OVOL2: variants seen among roughly 807,000 people sequenced by gnomAD.
OVOL2 encodes ovo like zinc finger 2.
Under a neutral mutation model 18.1 loss-of-function variants are expected in OVOL2, and 13 were observed. The ratio of observed to expected loss-of-function variants is 0.72; its 90% CI spans 0.47 to 1.14. The LOEUF (loss-of-function observed/expected upper bound fraction) is 1.14, where lower values mean the gene tolerates loss of function less well. Among genes scored for constraint, OVOL2 ranks in the 50% most tolerant of loss-of-function variants. OVOL2 has a pLI of 0.00. For synonymous variants in OVOL2, 166 were observed against 162.7 expected (o/e 1.02, Z -0.16); for missense variants, 335 against 383.0 (o/e 0.87, Z 1.05).
chr20:18,031,016 G>T (rs1237417512), intron 3 of OVOL2, among the ~76,000 whole-genome samples: 1 of 152,168 alleles, frequency 6.6e-6, no homozygotes, highest in Non-Finnish European at 1.5e-5. Flanking sequence ...TGATGCCAAG[G>T]CCCCTCCCAC....
intron 2 of OVOL2, among the ~76,000 whole-genome samples, chr20:18,046,623 C>G (rs899623646): frequency 7.9e-5 from 12 of 152,168 alleles, no homozygotes; most frequent in Non-Finnish European, 1.5e-4. Flanking sequence ...ATCATTCTCT[C>G]CAGACGCCAG....
intron 3 of OVOL2, 121 bp downstream of exon 3, chr20:18,041,413 G>A (rs1204942324): frequency 3.3e-6 from 4 of 1,219,274 alleles, no homozygotes; most frequent in East Asian, 5.1e-5. Flanking sequence ...TCCGCATCTT[G>A]TGATCTTTCT....
In OVOL2 at chr20:18,032,306, GGA is replaced by G. The variant is rs900981884; in HGVS notation, c.512-7356_512-7355del. Among the ~76,000 whole-genome samples, 75 of 135,002 alleles carry G rather than the reference GGA, an allele frequency of 5.6e-4. 2 individuals are homozygous for G. Among genetic ancestry groups the G allele is most frequent in the South Asian group, 5.1e-3 (22 of 4,352 alleles). 88.6% of individuals were successfully genotyped at this position (135,002 alleles called of 152,430 possible). A position where few individuals can be genotyped will look rare whatever the true frequency, so the allele number is the denominator to read the frequency against. On this transcript the variant is annotated intron_variant, in intron 3 of 3. Coordinates refer to ENST00000278780, the MANE Select transcript of OVOL2 (RefSeq NM_021220.4). ...AAAGGAAAGGAAAGGAAGGAAGGAAGGAGAGAGAGAGAGAAAGAAAGAGAGAA... is the reference window on the plus strand; with the variant it reads ...AAAGGAAAGGAAAGGAAGGAAGGAAGGAGAGAGAGAGAAAGAAAGAGAGAA...
chr20:18,057,797 C>T lies in OVOL2; in HGVS notation c.-163G>A. Reference sequence around the variant, plus strand: ...GCCGCGGCGCGGCCCAGGCCTCTCCCCCGCACGCCTGGCGACTCCCAGCCT... The same window carrying T: ...GCCGCGGCGCGGCCCAGGCCTCTCCTCCGCACGCCTGGCGACTCCCAGCCT... On this transcript the variant is annotated 5_prime_UTR_variant, in exon 1 of 4. Coordinates refer to ENST00000278780, the MANE Select transcript of OVOL2 (RefSeq NM_021220.4). This position sits in a 1 kb window ranked among gnomAD's most constrained non-coding sequence, Gnocchi z 6.3. 4 of 1,375,394 alleles carry T rather than the reference C, an allele frequency of 2.9e-6. No individual in the cohort carries two copies. Among genetic ancestry groups the T allele is most frequent in the Non-Finnish European group, 3.7e-6 (4 of 1,071,770 alleles). The allele number at this position is 1,375,394 out of a possible 1,614,324, so 85.2% of individuals were successfully genotyped here.
Position 18,057,832 on chromosome 20 carries a change from G to A in OVOL2, c.-198C>T, listed in dbSNP as rs1600457047. ...TGGCGACTCCCAGCCTCCCGGCTCGGCGACACCTATGCCTTAAATCGCGAG... is the reference window on the plus strand; with the variant it reads ...TGGCGACTCCCAGCCTCCCGGCTCGACGACACCTATGCCTTAAATCGCGAG... On this transcript the variant is annotated 5_prime_UTR_variant, in exon 1 of 4. Transcript: ENST00000278780. This position sits in a 1 kb window ranked among gnomAD's most constrained non-coding sequence, Gnocchi z 6.3. 7.3e-7 allele frequency: 1 copy of A among 1,365,612 alleles called. No homozygotes were observed. The highest frequency in any genetic ancestry group is 3.1e-5 in the East Asian group (1 of 32,756). The allele number at this position is 1,365,612 out of a possible 1,614,324, so 84.6% of individuals were successfully genotyped here. A position where few individuals can be genotyped will look rare whatever the true frequency, so the allele number is the denominator to read the frequency against.
At chr20:18,054,116 A>G (rs755671493) in intron 2 of OVOL2, among the ~76,000 whole-genome samples, 6 of 152,156 alleles carry the variant, frequency 3.9e-5, no homozygotes, top group Non-Finnish European at 7.3e-5. Flanking sequence ...AATACTATCT[A>G]TGGTTATTGG....
At chr20:18,042,440 C>T (rs866879179) in intron 2 of OVOL2, among the ~76,000 whole-genome samples, 4 of 151,992 alleles carry the variant, frequency 2.6e-5, no homozygotes, top group South Asian at 2.1e-4. Context: ...TAGTAAAGAG[C>T]GAGTTCTTAC....
chr20:18,040,141 C>A (rs1403644408), intron 3 of OVOL2, among the ~76,000 whole-genome samples: 1 of 152,178 alleles, frequency 6.6e-6, no homozygotes, highest in Non-Finnish European at 1.5e-5. Context: ...CCAGGCTGGT[C>A]TCCAACTCTT....
At chr20:18,033,053 TA>T (rs985759317) in intron 3 of OVOL2, among the ~76,000 whole-genome samples, 4 of 152,330 alleles carry the variant, frequency 2.6e-5, no homozygotes, top group African/African-American at 9.6e-5. Flanking sequence ...TTCAGGCCAC[TA>T]GGGGTGGAGG....
At chr20:18,055,194 T>C (rs1448360878) in intron 2 of OVOL2, among the ~76,000 whole-genome samples, 2 of 152,074 alleles carry the variant, frequency 1.3e-5, no homozygotes, top group African/African-American at 4.8e-5. Flanking sequence ...GCAGAAGAGT[T>C]TGCCTAAAAT....
At chr20:18,037,752 T>C (rs1206027326) in intron 3 of OVOL2, among the ~76,000 whole-genome samples, 1 of 152,128 alleles carries the variant, frequency 6.6e-6, no homozygotes, top group Non-Finnish European at 1.5e-5. Flanking sequence ...TCTATATGGT[T>C]CTTCAGAGGA....
chr20:18,044,856 G>A (rs1191063421), intron 2 of OVOL2, among the ~76,000 whole-genome samples: 1 of 152,142 alleles, frequency 6.6e-6, no homozygotes, highest in Non-Finnish European at 1.5e-5. Flanking sequence ...TGGGAAAGAG[G>A]GAACTGTGTG....
At chr20:18,035,224 G>A (rs1461242833) in intron 3 of OVOL2, among the ~76,000 whole-genome samples, 1 of 152,218 alleles carries the variant, frequency 6.6e-6, no homozygotes, top group East Asian at 1.9e-4. Flanking sequence ...GGTAAGGCAG[G>A]CTGATCATCT....
chr20:18,050,693 T>G (rs1226968094), intron 2 of OVOL2: 1 of 152,256 alleles, frequency 6.6e-6, no homozygotes, highest in African/African-American at 2.4e-5. Context: ...TTCTTCCTGC[T>G]TTCTGTGTTT....
chr20:18,034,443 A>T (rs6045152), intron 3 of OVOL2, among the ~76,000 whole-genome samples: 23,922 of 152,088 alleles, frequency 0.16, 3,084 homozygotes, highest in African/African-American at 0.33. Flanking sequence ...CACAGGCTCC[A>T]CTTGACAGCC....
Position 18,056,183 on chromosome 20 carries a change from G to T in OVOL2, c.321+474C>A, listed in dbSNP as rs972233282. ...CCACTATGTGTCAAGCTGCCGCCCA[G>T]GTCCAGAACATAAGCATGGGGGGTG... On this transcript the variant is annotated intron_variant, in intron 2 of 3. Coordinates refer to ENST00000278780, the MANE Select transcript of OVOL2 (RefSeq NM_021220.4). The surrounding 1 kb of genome is among the most constrained non-coding windows in gnomAD (Gnocchi z 4.2). Among the ~76,000 whole-genome samples the T allele has an allele frequency of 6.6e-6, 1 of 152,230 alleles. No homozygotes were observed. Among genetic ancestry groups the T allele is most frequent in the Non-Finnish European group, 1.5e-5 (1 of 68,046 alleles).
intron 3 of OVOL2, among the ~76,000 whole-genome samples, chr20:18,033,747 G>A (rs2036591138): frequency 6.6e-6 from 1 of 152,102 alleles, no homozygotes; most frequent in African/African-American, 2.4e-5. Context: ...TGGACACTCA[G>A]TGCAGAGTCT....
At chr20:18,038,384 T>G (rs2036638469) in intron 3 of OVOL2, among the ~76,000 whole-genome samples, 1 of 152,198 alleles carries the variant, frequency 6.6e-6, no homozygotes, top group Non-Finnish European at 1.5e-5. Context: ...ATTAAAATGA[T>G]CACACCCATT....
At chr20:18,041,115 G>A (rs966288333) in intron 3 of OVOL2, among the ~76,000 whole-genome samples, 1 of 152,194 alleles carries the variant, frequency 6.6e-6, no homozygotes, top group African/African-American at 2.4e-5. Context: ...AGAGTCAGGA[G>A]GTGAACCCAG....
Sources: gnomAD v4.1 joint callset for allele counts (sites outside exome capture counted in the v4.1 genomes callset) on GRCh38, gnomAD v4.1.1 for gene constraint, Gnocchi (gnomAD v3.1) non-coding constraint, MANE v1.5 for transcripts, NCBI Gene and HGNC (gene_info 2026-07-23, HGNC 2026-07-21) for gene names.